CDKAL1: variants seen among roughly 807,000 people sequenced by gnomAD.
CDKAL1 encodes the protein CDKAL1 threonylcarbamoyladenosine tRNA methylthiotransferase, also known as threonylcarbamoyladenosine tRNA methylthiotransferase.
A neutral mutation model predicts 68.2 loss-of-function variants in CDKAL1; 32 were observed. The observed-to-expected ratio is 0.47, with a 90% CI of 0.35 to 0.63. CDKAL1 has a LOEUF of 0.63. Among genes scored for constraint, CDKAL1 ranks in the 30% least tolerant of loss-of-function variants. The pLI is 0.00. For synonymous variants in CDKAL1, 234 were observed against 244.3 expected (o/e 0.96, Z 0.39); for missense variants, 606 against 696.7 (o/e 0.87, Z 1.47).
intron 5 of CDKAL1, among the ~76,000 whole-genome samples, chr6:20,672,901 C>T (rs1344322309): frequency 6.6e-5 from 10 of 152,086 alleles, no homozygotes; most frequent in African/African-American, 2.2e-4. Flanking sequence ...CTCAGCCTCC[C>T]GAGTAGCTGG....
chr6:20,719,515 G>A (rs1340912380), intron 5 of CDKAL1, among the ~76,000 whole-genome samples: 3 of 152,102 alleles, frequency 2.0e-5, no homozygotes, highest in Non-Finnish European at 4.4e-5. Context: ...GAGATACATA[G>A]GAAGGTTGAA....
chr6:21,002,788 G>T (rs527891298), intron 11 of CDKAL1, among the ~76,000 whole-genome samples: 40 of 152,146 alleles, frequency 2.6e-4, no homozygotes, highest in African/African-American at 8.7e-4. Flanking sequence ...AGGAGTTCAA[G>T]ATCAGTTTGG....
Position 21,159,371 on chromosome 6 carries a change from C to T in CDKAL1, c.1300-38650C>T, listed in dbSNP as rs532706666. On this transcript the variant is annotated intron_variant, in intron 13 of 15. Transcript: ENST00000274695. The stretch of plus-strand genomic sequence containing the variant: ...CTTTTGCTTGGACTATGGAAGTTGC[C>T]TTCTGACTGGTCCCTCCATACCCAT... Among the ~76,000 whole-genome samples the T allele has an allele frequency of 2.6e-4, 39 of 152,254 alleles. 1 individual carries two copies. The South Asian group carries it at 7.7e-3, about 30-fold the overall frequency.
intron 9 of CDKAL1, among the ~76,000 whole-genome samples, chr6:20,848,625 G>T (rs138046886): frequency 6.6e-6 from 1 of 152,238 alleles, no homozygotes; most frequent in East Asian, 1.9e-4. Context: ...ACATCAGTAA[G>T]ATCTTTTTAT....
chr6:20,853,374 C>A (rs1323225269), intron 9 of CDKAL1, among the ~76,000 whole-genome samples: 3 of 139,076 alleles, frequency 2.2e-5, no homozygotes, highest in Non-Finnish European at 3.0e-5. Context: ...GAGGGGATTT[C>A]GTCTCAAAAA....
chr6:20,664,940 G>A (rs1348560414), intron 5 of CDKAL1, among the ~76,000 whole-genome samples: 2 of 151,962 alleles, frequency 1.3e-5, no homozygotes, highest in South Asian at 2.1e-4. Context: ...ATGTATTTTC[G>A]ATCCCCTCAT....
intron 13 of CDKAL1, among the ~76,000 whole-genome samples, chr6:21,116,891 A>C (rs1774439787): frequency 6.6e-6 from 1 of 152,166 alleles, no homozygotes; most frequent in Admixed American, 6.5e-5. Flanking sequence ...TATGAAATTC[A>C]CTAGTATGAG....
intron 10 of CDKAL1, among the ~76,000 whole-genome samples, chr6:20,997,448 T>C (rs1767179499): frequency 6.6e-6 from 1 of 151,968 alleles, no homozygotes; most frequent in African/African-American, 2.4e-5. Flanking sequence ...TATTTTTATT[T>C]TGTGTTCTAG....
intron 9 of CDKAL1, among the ~76,000 whole-genome samples, chr6:20,949,589 G>A (rs1004282097): frequency 6.6e-6 from 1 of 152,098 alleles, no homozygotes; most frequent in East Asian, 1.9e-4. Flanking sequence ...ATTCATTGAG[G>A]CCCTGCTGTT....
chr6:20,728,981 A>G (rs1161107166), intron 5 of CDKAL1, among the ~76,000 whole-genome samples: 3 of 152,190 alleles, frequency 2.0e-5, no homozygotes, highest in Non-Finnish European at 4.4e-5. Flanking sequence ...TTTTATAATA[A>G]TAACATATGG....
At chr6:21,061,840 T>C (rs1428628019) in intron 11 of CDKAL1, among the ~76,000 whole-genome samples, 1 of 152,194 alleles carries the variant, frequency 6.6e-6, no homozygotes, top group Non-Finnish European at 1.5e-5. Flanking sequence ...AAAAACATTT[T>C]ATAAGCAATC....
chr6:21,176,977 G>A (rs946680944), intron 13 of CDKAL1, among the ~76,000 whole-genome samples: 24 of 152,066 alleles, frequency 1.6e-4, no homozygotes, highest in Admixed American at 7.9e-4. Flanking sequence ...GATTACAGGC[G>A]TGAGCCACTG....
Position 20,853,396 on chromosome 6 carries a change from A to C in CDKAL1, c.742+7218A>C, listed in dbSNP as rs888899324. 9.9e-4 allele frequency among the ~76,000 whole-genome samples: 32 copies of C among 32,312 alleles called. 1 individual carries two copies. The highest frequency in any genetic ancestry group is 1.4e-3 in the African/African-American group (28 of 19,836). 21.2% of individuals were successfully genotyped at this position (32,312 alleles called of 152,430 possible). The stretch of plus-strand genomic sequence containing the variant: ...TTTCGTCTCAAAAAACAAAACAAAA[A>C]AAAAACAAAAAAAAAAACCCTATAT... On this transcript the variant is annotated intron_variant, in intron 9 of 15. Coordinates refer to ENST00000274695, the MANE Select transcript of CDKAL1 (RefSeq NM_017774.3).
chr6:20,582,903 C>A (rs1765194874), intron 4 of CDKAL1, among the ~76,000 whole-genome samples: 1 of 152,298 alleles, frequency 6.6e-6, no homozygotes, highest in South Asian at 2.1e-4. Context: ...CTTCTCTAAG[C>A]TTCCACAGAT....
chr6:21,021,272 G>C (rs1768648087), intron 11 of CDKAL1, among the ~76,000 whole-genome samples: 1 of 151,658 alleles, frequency 6.6e-6, no homozygotes, highest in African/African-American at 2.4e-5. Context: ...GGTTTTTTTT[G>C]AGAATTGAGA....
intron 9 of CDKAL1, among the ~76,000 whole-genome samples, chr6:20,899,329 C>G (rs1002252593): frequency 3.3e-5 from 5 of 152,078 alleles, no homozygotes; most frequent in African/African-American, 1.2e-4. Flanking sequence ...TCCCAAAGTG[C>G]TGAGATTACA....
At chr6:21,092,124 G>A (rs1274988150) in intron 12 of CDKAL1, among the ~76,000 whole-genome samples, 1 of 146,162 alleles carries the variant, frequency 6.8e-6, no homozygotes, top group East Asian at 2.1e-4. Flanking sequence ...CTGACCTCGT[G>A]ATCCGCCCGC....
chr6:20,715,131 T>G (rs1456430690), intron 5 of CDKAL1, among the ~76,000 whole-genome samples: 1 of 152,240 alleles, frequency 6.6e-6, no homozygotes, highest in East Asian at 1.9e-4. Flanking sequence ...ATAGTCCTTA[T>G]GTTATACATT....
chr6:20,861,044 T>A (rs532257058), intron 9 of CDKAL1, among the ~76,000 whole-genome samples: 3 of 151,542 alleles, frequency 2.0e-5, no homozygotes, highest in Admixed American at 1.3e-4. Context: ...CCTTTGCCAG[T>A]AGTGAAGTGA....
Sources: allele counts gnomAD v4.1 joint callset (sites outside exome capture counted in the v4.1 genomes callset), GRCh38; gene constraint gnomAD v4.1.1; transcripts MANE v1.5; gene names NCBI Gene and HGNC (gene_info 2026-07-23, HGNC 2026-07-21).